The following LETMD1 variants were observed in gnomAD, a reference collection of about 807,000 sequenced individuals.
LETMD1 encodes the protein LETM1 domain-containing protein 1.
In LETMD1, 30 loss-of-function variants were observed where a neutral mutation model predicts 43.9. That is an observed-to-expected ratio of 0.68 (90% CI 0.51 to 0.93). LETMD1 has a LOEUF of 0.93. Ranked by LOEUF, LETMD1 falls within the 40% of genes least tolerant of loss-of-function variation. The probability of loss-of-function intolerance (pLI) is 0.00; values close to 1 mark genes in which losing one functional copy is unlikely to be tolerated. For synonymous variants in LETMD1, 176 were observed against 163.1 expected, an observed-to-expected ratio of 1.08 and a Z score of -0.60; for missense variants, 413 against 447.7, an observed-to-expected ratio of 0.92 and a Z score of 0.70.
chr12:51,059,217 C>T, intron 8 of LETMD1, 144 bp from the exon 9 acceptor site: 1 of 659,908 alleles, frequency 1.5e-6, no homozygotes, highest in East Asian at 2.8e-5. Context: ...GGGGCTGAAA[C>T]AAAGAAGGGG....
downstream of LETMD1, chr12:51,064,804 T>C (rs570538006): frequency 6.5e-6 from 4 of 617,704 alleles, no homozygotes; most frequent in Non-Finnish European, 1.1e-5. Context: ...ATTCAAAGCA[T>C]AGCATGCAGT....
chr12:51,059,932 C>G lies in LETMD1; in HGVS notation c.*501C>G, dbSNP rs1299785739. The G allele has an allele frequency of 6.5e-6, 1 of 154,308 alleles. No individual in the cohort carries two copies. The highest frequency in any genetic ancestry group is 2.4e-5 in the African/African-American group (1 of 41,516). The allele number at this position is 154,308 out of a possible 1,614,324, so 9.6% of individuals were successfully genotyped here. On this transcript the variant is annotated 3_prime_UTR_variant, in exon 9 of 9. Coordinates refer to ENST00000262055, the MANE Select transcript of LETMD1 (RefSeq NM_015416.5). ...ACTTGGGTGTTTCCCTCCATCCTTT[C>G]TGATATGACCAAAAATCAAGTTGTT...
At chr12:51,061,766 T>G (rs1188387563), downstream of LETMD1, 2 of 152,202 alleles carry the variant, frequency 1.3e-5, no homozygotes, top group Non-Finnish European at 2.9e-5. Flanking sequence ...GCAGCTGGAA[T>G]CTACTTCCTA....
chr12:51,056,599 T>C, intron 7 of LETMD1, 97 bp downstream of exon 7: 1 of 1,072,388 alleles, frequency 9.3e-7, no homozygotes, highest in Non-Finnish European at 1.4e-6. Flanking sequence ...CTTGTTTGTT[T>C]ATAGAACCCA....
Position 51,056,224 on chromosome 12 carries a change from C to A in LETMD1, c.741C>A (p.Asn247Lys). 2 of 1,614,232 alleles carry A rather than the reference C, an allele frequency of 1.2e-6. No homozygotes were observed. Among genetic ancestry groups the A allele is most frequent in the Non-Finnish European group, 1.7e-6 (2 of 1,180,030 alleles). The change falls in exon 6 of 9, where the codon AAC (asparagine) becomes AAA (lysine). Residue 247 changes from asparagine (N) to lysine (K), a missense_variant. Transcript: ENST00000262055. ...ECFSNHPLGM[N>K]QLQALHVKAL... ...TCTCTAACCATCCTCTGGGCATGAACCAACTCCAGGCTTTGCACGTGGTGA... is the reference window on the plus strand; with the variant it reads ...TCTCTAACCATCCTCTGGGCATGAAACAACTCCAGGCTTTGCACGTGGTGA...
downstream of LETMD1, chr12:51,064,408 C>A (rs1261179943): frequency 6.2e-6 from 10 of 1,613,792 alleles, no homozygotes; most frequent in Non-Finnish European, 8.5e-6. Context: ...AGGTGCATCA[C>A]TGCTGTCTCA....
rs140365182 is a variant in LETMD1 at position 51,056,175 on chromosome 12, A to G, written c.692A>G (p.Asp231Gly). 61 of 1,614,200 alleles carry G rather than the reference A, an allele frequency of 3.8e-5. No individual in the cohort carries two copies. The African/African-American group carries it at 7.2e-4, about 19-fold the overall frequency. Residue 231 changes from aspartate (D) to glycine (G), a missense_variant, in exon 6 of 9, where the codon GAT becomes GGT. Transcript: ENST00000262055. Reference sequence around the variant, plus strand: ...CGTGGTACCCACCCAGCAATACATGATATCTTGGCTCTGAGAGAGTGTTTC... The same window carrying G: ...CGTGGTACCCACCCAGCAATACATGGTATCTTGGCTCTGAGAGAGTGTTTC... ...IQRGTHPAIHDILALRECFSN... is the reference protein window; with the variant it reads ...IQRGTHPAIHGILALRECFSN...
At chr12:51,052,935 A>C (rs986944975) in intron 3 of LETMD1, among the ~76,000 whole-genome samples, 2 of 151,460 alleles carry the variant, frequency 1.3e-5, no homozygotes, top group Non-Finnish European at 2.9e-5. Flanking sequence ...GTGAAACCCC[A>C]TCTCTACTAA....
the LETMD1 span, among the ~76,000 whole-genome samples, chr12:51,065,768 A>G: frequency 6.6e-6 from 1 of 152,102 alleles, no homozygotes; most frequent in African/African-American, 2.4e-5. Context: ...CAGCTGCATC[A>G]ATTCTTAGGA....
chr12:51,067,692 T>C, the LETMD1 span: 1 of 1,613,808 alleles, frequency 6.2e-7, no homozygotes, highest in Non-Finnish European at 8.5e-7. The surrounding 1 kb of genome is among the most constrained non-coding windows in gnomAD (Gnocchi z 4.1). Context: ...AATCCCAGCC[T>C]GGCTGCAGGC....
intron 7 of LETMD1, chr12:51,057,394 G>GC (rs1183959237): frequency 6.5e-6 from 1 of 153,290 alleles, no homozygotes; most frequent in African/African-American, 2.4e-5. Context: ...ACTGCGCCCA[G>GC]CTCCTCACCT....
At chr12:51,068,921 T>C in the LETMD1 span, among the ~76,000 whole-genome samples, 2 of 152,342 alleles carry the variant, frequency 1.3e-5, no homozygotes, top group African/African-American at 2.4e-5. Flanking sequence ...AGCAAATATA[T>C]TAACAGGTAT....
rs1944922889 is a variant in LETMD1 at position 51,048,388 on chromosome 12, C to T, written c.32C>T (p.Ser11Leu). The T allele has an allele frequency of 3.1e-6, 5 of 1,614,078 alleles. No homozygotes were observed. The highest frequency in any genetic ancestry group is 2.2e-5 in the South Asian group (2 of 91,066). Residue 11 changes from serine (S) to leucine (L), a missense_variant, in exon 1 of 9, where the codon TCG (serine) becomes TTG (leucine). Physicochemically the swap from Ser to Leu is moderately radical, Grantham distance 145. Coordinates refer to ENST00000262055, the MANE Select transcript of LETMD1 (RefSeq NM_015416.5). MALSRVCWAR[S>L]AVWGSAVTPG... is the part of the protein sequence containing the mutation. ...CTCTCCAGGGTGTGCTGGGCTCGGT[C>T]GGCTGTGTGGGGCTCGGCAGTCACC...
At chr12:51,053,695 A>C in intron 3 of LETMD1, 83 bp from the exon 4 acceptor site, 1 of 875,262 alleles carries the variant, frequency 1.1e-6, no homozygotes, top group Non-Finnish European at 1.8e-6. Flanking sequence ...ATAGAAGTTT[A>C]CTGTACAGTG....
intron 7 of LETMD1, among the ~76,000 whole-genome samples, chr12:51,057,153 G>T (rs1947960055): frequency 6.6e-6 from 1 of 152,104 alleles, no homozygotes. Context: ...CATGAGAATT[G>T]CTTGAACCCA....
Position 51,056,422 on chromosome 12 carries a change from C to G in LETMD1, c.835C>G (p.His279Asp), listed in dbSNP as rs747717628. 2 of 1,614,176 alleles carry G rather than the reference C, an allele frequency of 1.2e-6. No homozygotes were observed. Among genetic ancestry groups the G allele is most frequent in the Admixed American group, 1.7e-5 (1 of 60,014 alleles). Residue 279 changes from histidine to aspartate, a missense_variant, in exon 7 of 9, where the codon CAT (histidine) becomes GAT (aspartate). Physicochemically the swap from His to Asp is moderately conservative, Grantham distance 81 (BLOSUM62 -1). Coordinates refer to ENST00000262055, the MANE Select transcript of LETMD1 (RefSeq NM_015416.5). ...PPLLRHRLKT[H>D]TTVIHQLDKA... Reference sequence around the variant, plus strand: ...CTTGTTGAGACATCGTTTGAAGACTCATACAACTGTGATTCACCAACTGGA... The same window carrying G: ...CTTGTTGAGACATCGTTTGAAGACTGATACAACTGTGATTCACCAACTGGA...
chr12:51,056,529 C>G, intron 7 of LETMD1, 27 bp downstream of exon 7: 2 of 1,613,752 alleles, frequency 1.2e-6, no homozygotes, highest in Non-Finnish European at 1.7e-6. Context: ...AACATCAACC[C>G]TCAACCCTTG....
At chr12:51,059,290 C>T (rs2136772494) in intron 8 of LETMD1, 71 bp from the exon 9 acceptor site, 2 of 1,397,198 alleles carry the variant, frequency 1.4e-6, no homozygotes, top group African/African-American at 1.4e-5. Context: ...TGCCTCCAGG[C>T]TTAAGCCATA....
intron 3 of LETMD1, among the ~76,000 whole-genome samples, chr12:51,053,414 G>A (rs537640153): frequency 2.6e-5 from 4 of 152,278 alleles, no homozygotes; most frequent in South Asian, 4.1e-4. Context: ...AAGCCAAGGC[G>A]GGCAGATCAC....
Sources: allele counts gnomAD v4.1 joint callset (sites outside exome capture counted in the v4.1 genomes callset), GRCh38; gene constraint gnomAD v4.1.1; non-coding constraint Gnocchi (gnomAD v3.1); transcripts MANE v1.5; gene names NCBI Gene and HGNC (gene_info 2026-07-23, HGNC 2026-07-21).